ATP8B4: variants seen among roughly 807,000 people sequenced by gnomAD.
ATP8B4 encodes the protein ATPase phospholipid transporting 8B4 (putative), also known as probable phospholipid-transporting ATPase IM.
In ATP8B4, 133 loss-of-function variants were observed where a neutral mutation model predicts 145.6. The ratio of observed to expected loss-of-function variants is 0.91; its 90% CI spans 0.79 to 1.05. ATP8B4 has a LOEUF of 1.05. Among genes scored for constraint, ATP8B4 ranks in the 50% least tolerant of loss-of-function variants. ATP8B4 has a pLI of 0.00. For missense variants in ATP8B4, 1,458 were observed against 1,425.2 expected (o/e 1.02, Z -0.37); for synonymous variants, 507 against 492.9 (o/e 1.03, Z -0.38).
chr15:49,917,141 A>T, intron 19 of ATP8B4, 102 bp from the exon 20 acceptor site: 3 of 1,084,936 alleles, frequency 2.8e-6, no homozygotes, highest in Non-Finnish European at 2.7e-6. Flanking sequence ...CTTAAAGCCT[A>T]CAGGGGGCTG....
At chr15:49,911,267 C>G (rs1269101863) in intron 20 of ATP8B4, among the ~76,000 whole-genome samples, 1 of 151,880 alleles carries the variant, frequency 6.6e-6, no homozygotes, top group Non-Finnish European at 1.5e-5. Flanking sequence ...TATATGCTGC[C>G]TACAAGAAAC....
At chr15:50,128,114 A>G (rs567306309) in intron 1 of ATP8B4, among the ~76,000 whole-genome samples, 34 of 152,354 alleles carry the variant, frequency 2.2e-4, no homozygotes, top group African/African-American at 5.8e-4. Flanking sequence ...CAAGGAAAGA[A>G]GGAATTAATA....
chr15:49,934,144 C>T lies in ATP8B4; in HGVS notation c.1326G>A (p.Ala442=), dbSNP rs114314451. The part of the protein sequence containing the change: ...EPVDFSVKSQ[A]DREFQFFDHH... ...GGTCAAAGAACTGAAATTCTCTATC[C>T]GCTTGAGATTTGACTGAGAAATCCA... Residue 442 remains alanine, a synonymous_variant, in exon 15 of 28, where the codon GCG becomes GCA. Coordinates refer to ENST00000284509, the MANE Select transcript of ATP8B4 (RefSeq NM_024837.4). The T allele has an allele frequency of 1.0e-3, 1,690 of 1,612,030 alleles. 15 individuals are homozygous for T. The African/African-American group carries it at 0.019, about 18-fold the overall frequency.
intron 1 of ATP8B4, among the ~76,000 whole-genome samples, chr15:50,140,827 G>A (rs188920101): frequency 6.6e-5 from 10 of 152,234 alleles, no homozygotes; most frequent in African/African-American, 1.7e-4. Context: ...CTGGAGATTC[G>A]AATTCTGTAG....
At chr15:50,057,301 T>C (rs932445967) in intron 3 of ATP8B4, among the ~76,000 whole-genome samples, 13 of 152,320 alleles carry the variant, frequency 8.5e-5, no homozygotes, top group Middle Eastern at 3.4e-3. Flanking sequence ...CAATGAGCTG[T>C]GACTATTTCA....
chr15:50,070,737 T>C (rs1317814913), intron 3 of ATP8B4, among the ~76,000 whole-genome samples: 1 of 152,088 alleles, frequency 6.6e-6, no homozygotes, highest in Non-Finnish European at 1.5e-5. Flanking sequence ...TGTTGTGTTT[T>C]GTTTTGTTTT....
chr15:50,035,616 T>A (rs1057179365), intron 6 of ATP8B4, among the ~76,000 whole-genome samples: 1 of 152,042 alleles, frequency 6.6e-6, no homozygotes, highest in African/African-American at 2.4e-5. Context: ...GGCCCACACA[T>A]AGTAGTTGCT....
At chr15:49,920,651 G>A (rs937737981) in intron 17 of ATP8B4, among the ~76,000 whole-genome samples, 1 of 152,210 alleles carries the variant, frequency 6.6e-6, no homozygotes, top group Non-Finnish European at 1.5e-5. Context: ...CCTAAACACA[G>A]CTGAAAAGCC....
intron 13 of ATP8B4, among the ~76,000 whole-genome samples, chr15:49,965,313 T>C (rs549227211): frequency 6.6e-6 from 1 of 152,338 alleles, no homozygotes; most frequent in African/African-American, 2.4e-5. Context: ...TTAAAATACT[T>C]GGCAATGTGT....
intron 23 of ATP8B4, among the ~76,000 whole-genome samples, chr15:49,891,768 G>C (rs1196895618): frequency 6.6e-6 from 1 of 152,098 alleles, no homozygotes; most frequent in African/African-American, 2.4e-5. Flanking sequence ...CTATTAGCAA[G>C]TTGACAATGT....
intron 13 of ATP8B4, among the ~76,000 whole-genome samples, 180 bp downstream of exon 13, chr15:49,972,402 T>C (rs2045240504): frequency 6.6e-6 from 1 of 152,154 alleles, no homozygotes; most frequent in African/African-American, 2.4e-5. Flanking sequence ...ATCCAATACA[T>C]ATTTAGTGAG....
rs1300707333 is a variant in ATP8B4 at position 49,931,326 on chromosome 15, A to G, written c.1454-19T>C. 3.7e-6 allele frequency: 6 copies of G among 1,605,300 alleles called. No homozygotes were observed. The highest frequency in any genetic ancestry group is 5.1e-6 in the Non-Finnish European group (6 of 1,173,670). ...AGCTCTCCTAAAAGGTAAAGAAACA[A>G]GTGTATCAATACTGACTAACAGCTA... On this transcript the variant is annotated intron_variant, in intron 15 of 27. Transcript: ENST00000284509.
intron 1 of ATP8B4, among the ~76,000 whole-genome samples, chr15:50,118,551 T>C (rs1383756973): frequency 1.3e-5 from 2 of 152,162 alleles, no homozygotes; most frequent in African/African-American, 4.8e-5. Flanking sequence ...AGTTTTCTTT[T>C]CTTCAAAACA....
Position 49,972,764 on chromosome 15 carries a change from C to G in ATP8B4, c.1061G>C (p.Ser354Thr), listed in dbSNP as rs1482478822. The G allele has an allele frequency of 1.9e-6, 3 of 1,613,936 alleles. No homozygotes were observed. Among genetic ancestry groups the G allele is most frequent in the East Asian group, 2.2e-5 (1 of 44,866 alleles). ...CTTCCGGTCCCAGTTTATAAAATAA[C>G]TGTGTCCTAGACGAATTACTTCCAC... is the stretch of plus-strand genomic sequence containing the variant. ...VSVEVIRLGH[S>T]YFINWDRKMY... The change falls in exon 13 of 28, where the codon AGT becomes ACT. Residue 354 changes from serine to threonine, a missense_variant. By Grantham distance (58) the Ser-to-Thr change is moderately conservative. Coordinates refer to ENST00000284509, the MANE Select transcript of ATP8B4 (RefSeq NM_024837.4).
chr15:50,173,476 A>G (rs2044717505), intron 1 of ATP8B4, among the ~76,000 whole-genome samples: 1 of 152,070 alleles, frequency 6.6e-6, no homozygotes, highest in African/African-American at 2.4e-5. Flanking sequence ...GTGCTTTGTT[A>G]AACAGACGCT....
intron 3 of ATP8B4, among the ~76,000 whole-genome samples, chr15:50,054,812 A>AC (rs1322700944): frequency 1.3e-4 from 19 of 141,694 alleles, no homozygotes; most frequent in African/African-American, 4.5e-4. Context: ...AAAAAAAACA[A>AC]AAAAAAAAAA....
intron 20 of ATP8B4, among the ~76,000 whole-genome samples, chr15:49,903,766 T>A (rs928020416): frequency 2.6e-5 from 4 of 152,176 alleles, no homozygotes; most frequent in South Asian, 4.2e-4. Context: ...TGGTGGCACA[T>A]GCCTGTAATC....
intron 3 of ATP8B4, among the ~76,000 whole-genome samples, chr15:50,059,760 T>C (rs1313750525): frequency 6.6e-6 from 1 of 152,104 alleles, no homozygotes; most frequent in Non-Finnish European, 1.5e-5. Flanking sequence ...GTCAGAGGGT[T>C]TGGAGGAACA....
At chr15:50,138,760 C>G (rs562424049) in intron 1 of ATP8B4, among the ~76,000 whole-genome samples, 24 of 152,274 alleles carry the variant, frequency 1.6e-4, no homozygotes, top group African/African-American at 5.8e-4. Flanking sequence ...TTATCTTTTT[C>G]TCCCTTTATT....
Sources: allele counts gnomAD v4.1 joint callset (sites outside exome capture counted in the v4.1 genomes callset), GRCh38; gene constraint gnomAD v4.1.1; transcripts MANE v1.5; gene names NCBI Gene and HGNC (gene_info 2026-07-23, HGNC 2026-07-21).